SGCZ: variants seen among roughly 807,000 people sequenced by gnomAD.
The protein encoded by SGCZ is zeta-sarcoglycan.
In SGCZ, 40 loss-of-function variants were observed where a neutral mutation model predicts 41.3. The observed-to-expected ratio is 0.97, with a 90% CI of 0.75 to 1.26. The LOEUF is 1.26. SGCZ is among the 50% of genes most tolerant of loss of function. The probability of loss-of-function intolerance (pLI) is 0.00; values close to 1 mark genes in which losing one functional copy is unlikely to be tolerated. For missense variants in SGCZ, 552 were observed against 369.8 expected (o/e 1.49, Z -4.04); for synonymous variants, 206 against 137.5 (o/e 1.50, Z -3.49).
At chr8:14,660,255 G>T (rs1369271154) in intron 1 of SGCZ, among the ~76,000 whole-genome samples, 5 of 152,132 alleles carry the variant, frequency 3.3e-5, no homozygotes, top group African/African-American at 4.8e-5. Context: ...TAAAAGGGTT[G>T]AAGGGTTACT....
chr8:14,859,254 G>A (rs1370952290), intron 1 of SGCZ, among the ~76,000 whole-genome samples: 1 of 152,020 alleles, frequency 6.6e-6, no homozygotes, highest in Non-Finnish European at 1.5e-5. Flanking sequence ...GCTTTATCAA[G>A]GATATTCTCA....
intron 1 of SGCZ, among the ~76,000 whole-genome samples, chr8:15,072,866 A>G (rs1437645316): frequency 6.6e-6 from 1 of 152,176 alleles, no homozygotes; most frequent in Non-Finnish European, 1.5e-5. Flanking sequence ...AGAGAGCAAC[A>G]TACGACTCTT....
At chr8:14,462,688 T>G (rs1424822043) in intron 2 of SGCZ, among the ~76,000 whole-genome samples, 1 of 151,964 alleles carries the variant, frequency 6.6e-6, no homozygotes, top group African/African-American at 2.4e-5. Flanking sequence ...TCAAGCTTGA[T>G]TGTGCTCTTT....
intron 1 of SGCZ, among the ~76,000 whole-genome samples, chr8:15,027,393 G>C (rs998295696): frequency 9.7e-5 from 2 of 20,592 alleles, no homozygotes; most frequent in Admixed American, 7.8e-4. Flanking sequence ...ATATGTGTTG[G>C]CTCAAATAAA....
chr8:14,164,407 T>C (rs1404305084), intron 5 of SGCZ, among the ~76,000 whole-genome samples, 173 bp downstream of exon 5: 1 of 152,150 alleles, frequency 6.6e-6, no homozygotes, highest in Non-Finnish European at 1.5e-5. Context: ...TGCATTCTTT[T>C]CTACAACCAC....
intron 1 of SGCZ, among the ~76,000 whole-genome samples, chr8:14,580,223 G>A (rs1019928793): frequency 6.6e-6 from 1 of 152,148 alleles, no homozygotes; most frequent in Non-Finnish European, 1.5e-5. Context: ...AATACACAGA[G>A]CTATTACTTT....
At chr8:14,691,249 A>G (rs1034509446) in intron 1 of SGCZ, among the ~76,000 whole-genome samples, 6 of 152,182 alleles carry the variant, frequency 3.9e-5, no homozygotes, top group African/African-American at 1.4e-4. Context: ...TTGATCTGAA[A>G]AATACAGACT....
chr8:15,155,823 T>C (rs79083081), intron 1 of SGCZ, among the ~76,000 whole-genome samples: 36,584 of 151,894 alleles, frequency 0.24, 4,770 homozygotes, highest in East Asian at 0.54. Flanking sequence ...TTTGGGAGTC[T>C]GAGGCAGGTG....
chr8:14,999,383 A>G (rs1272604982), intron 1 of SGCZ, among the ~76,000 whole-genome samples: 1 of 152,212 alleles, frequency 6.6e-6, no homozygotes, highest in African/African-American at 2.4e-5. Context: ...AAGAATAAGT[A>G]AAATGTGAAC....
At position 14,088,444 on chromosome 8, in the gene SGCZ, C is replaced by T. The variant is rs1271975220; in HGVS notation, c.*1999G>A. ...AAATTAAATTACTACATAATGTTTT[C>T]CTTAAAAGTCCATAATATAGTGATT... is the stretch of plus-strand genomic sequence containing the variant. On this transcript the variant is annotated 3_prime_UTR_variant, in exon 8 of 8. Transcript: ENST00000382080. 6.6e-6 allele frequency among the ~76,000 whole-genome samples: 1 copy of T among 151,698 alleles called. No individual in the cohort carries two copies. The highest frequency in any genetic ancestry group is 2.4e-5 in the African/African-American group (1 of 41,386).
At chr8:14,780,234 G>A (rs1431572080) in intron 1 of SGCZ, among the ~76,000 whole-genome samples, 1 of 151,942 alleles carries the variant, frequency 6.6e-6, no homozygotes, top group African/African-American at 2.4e-5. Flanking sequence ...AATTAGCCTG[G>A]TGTGGTGGCG....
chr8:14,380,500 A>G (rs547838314), intron 2 of SGCZ, among the ~76,000 whole-genome samples: 1 of 152,298 alleles, frequency 6.6e-6, no homozygotes, highest in African/African-American at 2.4e-5. Context: ...ACACTTTATC[A>G]ATTCATTTTG....
intron 2 of SGCZ, among the ~76,000 whole-genome samples, chr8:14,474,257 G>C (rs890390390): frequency 2.6e-5 from 4 of 152,130 alleles, no homozygotes; most frequent in African/African-American, 9.7e-5. Context: ...CTTTTGATTT[G>C]CATTATCATA....
intron 1 of SGCZ, among the ~76,000 whole-genome samples, chr8:15,169,213 C>T (rs1299957011): frequency 6.6e-6 from 1 of 152,130 alleles, no homozygotes; most frequent in African/African-American, 2.4e-5. Flanking sequence ...TTGGTCTTCG[C>T]CCTTATCCCT....
At chr8:14,973,653 G>C (rs1289154908) in intron 1 of SGCZ, among the ~76,000 whole-genome samples, 2 of 152,128 alleles carry the variant, frequency 1.3e-5, no homozygotes, top group African/African-American at 4.8e-5. Context: ...AAAGCTCAAT[G>C]GTTTGGAAGA....
chr8:15,043,747 T>A (rs1230548030), intron 1 of SGCZ, among the ~76,000 whole-genome samples: 2 of 152,148 alleles, frequency 1.3e-5, no homozygotes, highest in South Asian at 2.1e-4. Context: ...GATAATATTT[T>A]ATAATAAAAT....
chr8:14,327,408 T>C (rs1802160067), intron 2 of SGCZ, among the ~76,000 whole-genome samples: 1 of 152,230 alleles, frequency 6.6e-6, no homozygotes, highest in African/African-American at 2.4e-5. Flanking sequence ...ACAGTGACTG[T>C]CCATATATAT....
At chr8:14,503,566 G>T (rs186654717) in intron 2 of SGCZ, among the ~76,000 whole-genome samples, 1 of 152,134 alleles carries the variant, frequency 6.6e-6, no homozygotes, top group East Asian at 1.9e-4. Flanking sequence ...TCAAGAGATC[G>T]AGACTACCCT....
chr8:14,422,733 A>C (rs912969853), intron 2 of SGCZ, among the ~76,000 whole-genome samples: 4 of 152,196 alleles, frequency 2.6e-5, no homozygotes, highest in African/African-American at 4.8e-5. Flanking sequence ...TTCAAAATAC[A>C]GAAGGCTTGC....
Sources: gnomAD v4.1 joint callset for allele counts (sites outside exome capture counted in the v4.1 genomes callset) on GRCh38, gnomAD v4.1.1 for gene constraint, MANE v1.5 for transcripts, NCBI Gene and HGNC (gene_info 2026-07-23, HGNC 2026-07-21) for gene names.